ARHGAP24: variants seen among roughly 807,000 people sequenced by gnomAD.
ARHGAP24 encodes the protein rho GTPase-activating protein 24.
ARHGAP24 carries 50 observed loss-of-function variants against 76.4 expected under a neutral mutation model. That is an observed-to-expected ratio of 0.65 (90% CI 0.52 to 0.83). ARHGAP24 has a LOEUF of 0.83. Ranked by LOEUF, ARHGAP24 falls within the 40% of genes least tolerant of loss-of-function variation. The pLI is 0.00. For synonymous variants in ARHGAP24, 345 were observed against 323.3 expected (o/e 1.07, Z -0.72); for missense variants, 930 against 914.2 (o/e 1.02, Z -0.22).
chr4:85,486,923 C>T (rs1364268505), intron 1 of ARHGAP24, among the ~76,000 whole-genome samples: 2 of 151,916 alleles, frequency 1.3e-5, no homozygotes, highest in Non-Finnish European at 1.5e-5. Context: ...TGGCCTCCTC[C>T]TGCATCTGTA....
At chr4:85,847,447 G>A (rs1343428003) in intron 3 of ARHGAP24, among the ~76,000 whole-genome samples, 2 of 152,092 alleles carry the variant, frequency 1.3e-5, no homozygotes, top group Non-Finnish European at 2.9e-5. Context: ...AACTATGCCA[G>A]GCAGTAAGGG....
intron 3 of ARHGAP24, among the ~76,000 whole-genome samples, chr4:85,851,737 G>C (rs1206852155): frequency 6.6e-6 from 1 of 152,122 alleles, no homozygotes; most frequent in South Asian, 2.1e-4. Flanking sequence ...TGAAATTCTG[G>C]GTTGTAAATT....
intron 3 of ARHGAP24, among the ~76,000 whole-genome samples, chr4:85,840,019 T>TTTC (rs898256522): frequency 2.1e-5 from 1 of 47,446 alleles, no homozygotes; most frequent in Non-Finnish European, 4.1e-5. Flanking sequence ...CTGGCTAACT[T>TTTC]TTTTTTTTTT....
At chr4:85,819,373 A>G (rs1028449928) in intron 3 of ARHGAP24, among the ~76,000 whole-genome samples, 5 of 152,156 alleles carry the variant, frequency 3.3e-5, no homozygotes, top group Non-Finnish European at 7.4e-5. Flanking sequence ...AAATTGAAAC[A>G]TAGAGAGGAA....
At chr4:85,917,700 T>C (rs1020658442) in intron 3 of ARHGAP24, among the ~76,000 whole-genome samples, 8 of 152,324 alleles carry the variant, frequency 5.3e-5, no homozygotes, top group African/African-American at 1.9e-4. Context: ...TTTGGCTGCA[T>C]AAATGTCTTC....
intron 3 of ARHGAP24, among the ~76,000 whole-genome samples, chr4:85,740,908 A>G (rs1725797921): frequency 6.6e-6 from 1 of 152,250 alleles, no homozygotes; most frequent in African/African-American, 2.4e-5. Flanking sequence ...AGCAGTAATG[A>G]AAGCTAACTT....
At chr4:85,782,957 T>A (rs945349327) in intron 3 of ARHGAP24, among the ~76,000 whole-genome samples, 1 of 152,224 alleles carries the variant, frequency 6.6e-6, no homozygotes, top group African/African-American at 2.4e-5. Flanking sequence ...TATGTTTTAT[T>A]TCATATTTGA....
At chr4:85,782,065 A>C (rs985363681) in intron 3 of ARHGAP24, among the ~76,000 whole-genome samples, 9 of 151,392 alleles carry the variant, frequency 5.9e-5, no homozygotes, top group African/African-American at 1.7e-4. Context: ...AAAAAAAAGA[A>C]AAAAAAAACA....
chr4:85,875,643 AT>A (rs1732880687), intron 3 of ARHGAP24, among the ~76,000 whole-genome samples: 1 of 124,988 alleles, frequency 8.0e-6, no homozygotes, highest in African/African-American at 3.1e-5. Flanking sequence ...ATAAATATAT[AT>A]TTATATTATA....
In ARHGAP24 at chr4:85,692,891, G is replaced by C. The variant is rs190523621; in HGVS notation, c.181-28994G>C. 4.4e-3 allele frequency among the ~76,000 whole-genome samples: 677 copies of C among 152,290 alleles called. 4 individuals are homozygous for C. The highest frequency in any genetic ancestry group is 6.8e-3 in the Non-Finnish European group (465 of 68,010). On this transcript the variant is annotated intron_variant, in intron 2 of 9. Coordinates refer to ENST00000395184, the MANE Select transcript of ARHGAP24 (RefSeq NM_001025616.3). Reference sequence around the variant, plus strand: ...GACACTCTTGCTTTTTGAATTGTCAGAGTTCTGGTGCTGATTCTTTCTCAC... The same window carrying C: ...GACACTCTTGCTTTTTGAATTGTCACAGTTCTGGTGCTGATTCTTTCTCAC...
intron 2 of ARHGAP24, among the ~76,000 whole-genome samples, chr4:85,651,315 A>G (rs1721933739): frequency 6.7e-6 from 1 of 149,382 alleles, no homozygotes; most frequent in Middle Eastern, 3.4e-3. Flanking sequence ...TTGTAGGGAA[A>G]AGATCGATAA....
At chr4:85,792,669 C>T in intron 3 of ARHGAP24, among the ~76,000 whole-genome samples, 1 of 152,116 alleles carries the variant, frequency 6.6e-6, no homozygotes, top group Non-Finnish European at 1.5e-5. Context: ...ATTGTCTCAG[C>T]TCTCTCTACA....
intron 1 of ARHGAP24, among the ~76,000 whole-genome samples, chr4:85,553,464 G>A (rs1447122096): frequency 6.6e-6 from 1 of 152,096 alleles, no homozygotes; most frequent in Non-Finnish European, 1.5e-5. Context: ...GTGCTGATTG[G>A]TGCATTTACA....
intron 2 of ARHGAP24, among the ~76,000 whole-genome samples, chr4:85,665,446 G>A (rs1722574081): frequency 6.6e-6 from 1 of 152,176 alleles, no homozygotes. Flanking sequence ...ACAGCACACT[G>A]ATGGGTCTTG....
In ARHGAP24 at chr4:85,585,554, A is replaced by G. The variant is rs1727821983; in HGVS notation, c.180+14833A>G. ...AGGGTTATAACAAAATGGCTATGGG[A>G]CTTGAATACCTGTTGATGTGATGAT... On this transcript the variant is annotated intron_variant, in intron 2 of 9. Coordinates refer to ENST00000395184, the MANE Select transcript of ARHGAP24 (RefSeq NM_001025616.3). Among the ~76,000 whole-genome samples, 3 of 152,228 alleles carry G rather than the reference A, an allele frequency of 2.0e-5. No individual in the cohort carries two copies. In the South Asian group the frequency reaches 6.2e-4, roughly 31 times the overall value.
At chr4:85,640,896 A>C (rs1262779060) in intron 2 of ARHGAP24, among the ~76,000 whole-genome samples, 1 of 118,218 alleles carries the variant, frequency 8.5e-6, no homozygotes, top group African/African-American at 3.0e-5. Flanking sequence ...TAAAATTATA[A>C]AACAATTTTT....
At position 85,690,393 on chromosome 4, in the gene ARHGAP24, C is replaced by T. The variant is rs181882263; in HGVS notation, c.181-31492C>T. Among the ~76,000 whole-genome samples the T allele has an allele frequency of 7.2e-5, 11 of 152,204 alleles. No individual in the cohort carries two copies. In the East Asian group the frequency reaches 1.5e-3, roughly 21 times the overall value. ...AGTTTCAGTAGGATTGGTACTAGTT[C>T]GTTCTTGTATGCCTGGTAGAATTCA... On this transcript the variant is annotated intron_variant, in intron 2 of 9. Coordinates refer to ENST00000395184, the MANE Select transcript of ARHGAP24 (RefSeq NM_001025616.3).
At chr4:85,551,170 A>G (rs1726121452) in intron 1 of ARHGAP24, among the ~76,000 whole-genome samples, 1 of 152,202 alleles carries the variant, frequency 6.6e-6, no homozygotes, top group African/African-American at 2.4e-5. Context: ...TGGGTTTGTC[A>G]TAGATGGCTT....
intron 1 of ARHGAP24, among the ~76,000 whole-genome samples, chr4:85,511,997 C>T (rs1300626708): frequency 6.6e-6 from 1 of 152,210 alleles, no homozygotes; most frequent in Non-Finnish European, 1.5e-5. Flanking sequence ...CTTATGAGGA[C>T]ATCAGTCATG....
Sources: gnomAD v4.1 joint callset for allele counts (sites outside exome capture counted in the v4.1 genomes callset) on GRCh38, gnomAD v4.1.1 for gene constraint, MANE v1.5 for transcripts, NCBI Gene and HGNC (gene_info 2026-07-23, HGNC 2026-07-21) for gene names.